Variants in PPP1CB observed in about 807,000 individuals in gnomAD.
The protein encoded by PPP1CB is protein phosphatase 1 catalytic subunit beta.
A neutral mutation model predicts 43.7 loss-of-function variants in PPP1CB; 2 were observed. The ratio of observed to expected loss-of-function variants is 0.05; its 90% CI spans 0.02 to 0.14. The LOEUF (loss-of-function observed/expected upper bound fraction) is 0.14. Among genes scored for constraint, PPP1CB ranks in the 10% least tolerant of loss-of-function variants. The pLI is 1.00. For missense variants in PPP1CB, 84 were observed against 398.0 expected (o/e 0.21, Z 6.71); for synonymous variants, 136 against 135.6 (o/e 1.00, Z -0.02).
intron 1 of PPP1CB, among the ~76,000 whole-genome samples, chr2:28,773,490 G>T (rs955597121): frequency 3.3e-5 from 5 of 152,188 alleles, no homozygotes; most frequent in Non-Finnish European, 7.3e-5. Flanking sequence ...AGTTCCTGGG[G>T]TGTGAAAAGG....
intron 1 of PPP1CB, among the ~76,000 whole-genome samples, chr2:28,760,426 A>G (rs1250442609): frequency 6.6e-6 from 1 of 152,242 alleles, no homozygotes; most frequent in African/African-American, 2.4e-5. Flanking sequence ...ATACAAGCAC[A>G]TTGTGTTACA....
upstream of PPP1CB, chr2:28,751,748 G>C: frequency 3.3e-6 from 1 of 303,450 alleles, no homozygotes; most frequent in Non-Finnish European, 6.2e-6. Flanking sequence ...TGCGCGGAGA[G>C]CTGCGTGACG....
At chr2:28,786,479 A>AT (rs1481691726) in intron 5 of PPP1CB, among the ~76,000 whole-genome samples, 5 of 152,054 alleles carry the variant, frequency 3.3e-5, no homozygotes, top group African/African-American at 9.7e-5. Context: ...CCATTATTTG[A>AT]TTTTTTTAAT....
chr2:28,759,488 C>G (rs1006002890), intron 1 of PPP1CB, among the ~76,000 whole-genome samples: 1 of 141,752 alleles, frequency 7.1e-6, no homozygotes, highest in Admixed American at 7.6e-5. Flanking sequence ...CCACTGCTCT[C>G]CAGCCTGGGC....
Position 28,802,419 on chromosome 2 carries a change from C to G in PPP1CB, c.*3116C>G, listed in dbSNP as rs529926570. ...TCCACCTCTTGTTTTCCTTGTGAGT[C>G]CATGGCTAAATCAAAGCTGCCCCTG... On this transcript the variant is annotated 3_prime_UTR_variant, in exon 8 of 8. Coordinates refer to ENST00000395366, the MANE Select transcript of PPP1CB (RefSeq NM_002709.3). The G allele has an allele frequency of 1.3e-5, 2 of 152,298 alleles. No homozygotes were observed. The highest frequency in any genetic ancestry group is 4.8e-5 in the African/African-American group (2 of 41,544). 9.4% of individuals were successfully genotyped at this position (152,298 alleles called of 1,614,324 possible).
At chr2:28,788,289 G>A (rs1360201842) in intron 5 of PPP1CB, among the ~76,000 whole-genome samples, 10 of 152,250 alleles carry the variant, frequency 6.6e-5, no homozygotes, top group South Asian at 2.1e-4. Flanking sequence ...CAGTGGAACC[G>A]TAAGGAAAGG....
chr2:28,764,985 TTC>T (rs1666748313), intron 1 of PPP1CB, among the ~76,000 whole-genome samples: 1 of 152,176 alleles, frequency 6.6e-6, no homozygotes, highest in Admixed American at 6.5e-5. Context: ...TTGCCATCTT[TTC>T]TGTTTTAGAG....
intron 3 of PPP1CB, among the ~76,000 whole-genome samples, chr2:28,780,921 CTAGT>C (rs3835748): frequency 0.41 from 62,102 of 151,638 alleles, 13,576 homozygotes; most frequent in Middle Eastern, 0.51. Context: ...CAAAAGAATA[CTAGT>C]TAAACACTTG....
At chr2:28,776,487 C>T (rs566120921) in intron 1 of PPP1CB, among the ~76,000 whole-genome samples, 2 of 151,992 alleles carry the variant, frequency 1.3e-5, no homozygotes, top group South Asian at 2.1e-4. Flanking sequence ...TTTGAACTCC[C>T]GACCTCAGGT....
intron 1 of PPP1CB, among the ~76,000 whole-genome samples, chr2:28,771,228 A>G (rs1176472511): frequency 1.3e-5 from 2 of 151,624 alleles, no homozygotes; most frequent in African/African-American, 4.8e-5. Flanking sequence ...TAATTTTTGT[A>G]TTTTTAGTAG....
intron 1 of PPP1CB, among the ~76,000 whole-genome samples, chr2:28,762,446 C>G (rs1423403405): frequency 1.3e-5 from 2 of 152,148 alleles, no homozygotes; most frequent in Non-Finnish European, 2.9e-5. Context: ...ATTCACATCT[C>G]TGTTTTGTTT....
chr2:28,756,344 G>T (rs1241077233), intron 1 of PPP1CB, among the ~76,000 whole-genome samples: 1 of 152,146 alleles, frequency 6.6e-6, no homozygotes, highest in Non-Finnish European at 1.5e-5. Context: ...GGATGTGTTT[G>T]TACCTGTTTT....
chr2:28,753,566 A>G (rs1449306737), intron 1 of PPP1CB, among the ~76,000 whole-genome samples: 2 of 152,190 alleles, frequency 1.3e-5, no homozygotes, highest in East Asian at 1.9e-4. Flanking sequence ...GTCAGTGTTC[A>G]CTACCTAAGA....
chr2:28,776,749 C>T (rs1338881896), intron 1 of PPP1CB, 102 bp from the exon 2 acceptor site: 19 of 1,054,602 alleles, frequency 1.8e-5, no homozygotes, highest in East Asian at 7.4e-5. Flanking sequence ...AATTTGCTGC[C>T]TGTGTGACTT....
At chr2:28,777,890 GTGATCCAC>G (rs1667074971) in intron 2 of PPP1CB, among the ~76,000 whole-genome samples, 1 of 152,166 alleles carries the variant, frequency 6.6e-6, no homozygotes, top group Non-Finnish European at 1.5e-5. Flanking sequence ...CTGACCTCAG[GTGATCCAC>G]CTGTCTTGGC....
intron 1 of PPP1CB, among the ~76,000 whole-genome samples, chr2:28,772,740 G>C (rs1211590147): frequency 1.3e-5 from 2 of 152,034 alleles, no homozygotes; most frequent in Non-Finnish European, 2.9e-5. Context: ...TTGAGTATTT[G>C]TATTATACTT....
chr2:28,762,017 C>T (rs928771464), intron 1 of PPP1CB, among the ~76,000 whole-genome samples: 1 of 152,174 alleles, frequency 6.6e-6, no homozygotes, highest in Non-Finnish European at 1.5e-5. Context: ...GGCATGGTAG[C>T]TCACACGTGT....
At chr2:28,758,205 A>T (rs1446529839) in intron 1 of PPP1CB, among the ~76,000 whole-genome samples, 2 of 151,622 alleles carry the variant, frequency 1.3e-5, no homozygotes, top group African/African-American at 2.4e-5. Flanking sequence ...ACCACTAATT[A>T]AAAAAAATTG....
chr2:28,754,392 A>T (rs1666431307), intron 1 of PPP1CB, among the ~76,000 whole-genome samples: 1 of 151,750 alleles, frequency 6.6e-6, no homozygotes, highest in Non-Finnish European at 1.5e-5. Context: ...TTTCTCTCTT[A>T]ATTTAGCAAG....
Sources: gnomAD v4.1 joint callset for allele counts (sites outside exome capture counted in the v4.1 genomes callset) on GRCh38, gnomAD v4.1.1 for gene constraint, MANE v1.5 for transcripts, NCBI Gene and HGNC (gene_info 2026-07-23, HGNC 2026-07-21) for gene names.